The following ISM1 variants were observed in gnomAD, a reference collection of about 807,000 sequenced individuals.
ISM1 encodes the protein isthmin 1, also known as isthmin-1.
In ISM1, 25 loss-of-function variants were observed where a neutral mutation model predicts 46.3. That is an observed-to-expected ratio of 0.54 (90% confidence interval 0.39 to 0.75). The LOEUF is 0.75. Among genes scored for constraint, ISM1 ranks in the 30% least tolerant of loss-of-function variants. The pLI is 0.00. For synonymous variants in ISM1, 255 were observed against 256.7 expected (o/e 0.99, Z 0.06); for missense variants, 536 against 625.4 (o/e 0.86, Z 1.52).
chr20:13,322,625 G>T, the ISM1 span, among the ~76,000 whole-genome samples: 1 of 152,168 alleles, frequency 6.6e-6, no homozygotes. Flanking sequence ...AGAAAGAAAA[G>T]CCCAAGACCC....
Position 13,221,765 on chromosome 20 carries a change from C to A in ISM1, c.-12C>A, listed in dbSNP as rs1374814072. ...CGCCGCGCCGGGTCCTAAAGCCGCGCGTCTCAAAAGGATGGTGCGCCTGGC... is the reference window on the plus strand; with the variant it reads ...CGCCGCGCCGGGTCCTAAAGCCGCGAGTCTCAAAAGGATGGTGCGCCTGGC... On this transcript the variant is annotated 5_prime_UTR_variant, in exon 1 of 6. Transcript: ENST00000262487. The A allele has an allele frequency of 2.1e-6, 3 of 1,430,788 alleles. No individual in the cohort carries two copies. Among genetic ancestry groups the A allele is most frequent in the Admixed American group, 2.7e-5 (1 of 37,118 alleles). 88.6% of individuals were successfully genotyped at this position (1,430,788 alleles called of 1,614,324 possible).
At chr20:13,292,577 G>A in intron 5 of ISM1, 114 bp downstream of exon 5, 1 of 689,798 alleles carries the variant, frequency 1.4e-6, no homozygotes, top group Admixed American at 2.4e-5. Flanking sequence ...CTTTTCTGGG[G>A]TCCAGTGCTC....
intron 1 of ISM1, among the ~76,000 whole-genome samples, chr20:13,265,901 G>A (rs1204944143): frequency 6.6e-6 from 1 of 152,036 alleles, no homozygotes; most frequent in East Asian, 1.9e-4. Flanking sequence ...ATACTATCAG[G>A]GACCTAAGCC....
At chr20:13,304,587 T>C (rs184889879), downstream of ISM1, among the ~76,000 whole-genome samples, 29 of 152,278 alleles carry the variant, frequency 1.9e-4, no homozygotes, top group East Asian at 2.5e-3. Flanking sequence ...GCTTTTTCCA[T>C]CATCGTGGAG....
intron 1 of ISM1, among the ~76,000 whole-genome samples, chr20:13,260,239 G>A (rs2039973494): frequency 6.6e-6 from 1 of 152,230 alleles, no homozygotes; most frequent in African/African-American, 2.4e-5. Flanking sequence ...TTGTTTTACA[G>A]TGTCGGGGGG....
chr20:13,286,959 C>T (rs1356367526), intron 3 of ISM1, among the ~76,000 whole-genome samples: 1 of 152,224 alleles, frequency 6.6e-6, no homozygotes, highest in Non-Finnish European at 1.5e-5. Context: ...CCAGGAGAAA[C>T]TGTCACAGAG....
At chr20:13,307,787 T>C in the ISM1 span, among the ~76,000 whole-genome samples, 2 of 152,230 alleles carry the variant, frequency 1.3e-5, no homozygotes, top group Admixed American at 1.3e-4. Context: ...GCTTATCACA[T>C]TTCCAATGTG....
At chr20:13,291,433 C>A (rs957487910) in intron 4 of ISM1, among the ~76,000 whole-genome samples, 7 of 152,218 alleles carry the variant, frequency 4.6e-5, no homozygotes, top group Non-Finnish European at 1.0e-4. Context: ...GTCAACCCTG[C>A]AAATAAGTTT....
rs573990786 is a variant in ISM1 at position 13,233,243 on chromosome 20, G to A, written c.138+11329G>A. Among the ~76,000 whole-genome samples, 39 of 152,218 alleles carry A rather than the reference G, an allele frequency of 2.6e-4. 1 individual carries two copies. Among genetic ancestry groups the A allele is most frequent in the South Asian group, 1.2e-3 (6 of 4,824 alleles). On this transcript the variant is annotated intron_variant, in intron 1 of 5. Coordinates refer to ENST00000262487, the MANE Select transcript of ISM1 (RefSeq NM_080826.2). ...TGGATTTTGAGCTCAACATGAATTG[G>A]AAGCCAAGTTTATTGCTGGGAATCT...
rs6109793 is a variant in ISM1 at position 13,280,403 on chromosome 20, C to G, written c.643+505C>G. 4.3e-4 allele frequency among the ~76,000 whole-genome samples: 56 copies of G among 129,256 alleles called. 1 individual carries two copies. In the East Asian group the frequency reaches 0.013, roughly 30 times the overall value. 84.8% of individuals were successfully genotyped at this position (129,256 alleles called of 152,430 possible). A position where few individuals can be genotyped will look rare whatever the true frequency, so the allele number is the denominator to read the frequency against. On this transcript the variant is annotated intron_variant, in intron 3 of 5. Coordinates refer to ENST00000262487, the MANE Select transcript of ISM1 (RefSeq NM_080826.2). ...GGTCTTCAAAGTAACCCCCCCCCCC[C>G]AATACATTTCAAAACTCCAAGTTGA... is the stretch of plus-strand genomic sequence containing the variant.
rs568641451 is a variant in ISM1 at position 13,249,610 on chromosome 20, C to G, written c.139-20894C>G. Among the ~76,000 whole-genome samples the G allele has an allele frequency of 1.2e-4, 18 of 152,340 alleles. No individual in the cohort carries two copies. The South Asian group carries it at 2.7e-3, about 23-fold the overall frequency. ...GCCAGGCTCTTTATTATTTACACCA[C>G]AGTCATAAAGTTGGTTTTAATCTCT... On this transcript the variant is annotated intron_variant, in intron 1 of 5. Transcript: ENST00000262487.
the ISM1 span, among the ~76,000 whole-genome samples, chr20:13,320,831 C>G: frequency 6.6e-6 from 1 of 152,098 alleles, no homozygotes; most frequent in African/African-American, 2.4e-5. Context: ...GTTAAAGATA[C>G]CATTTCTTTT....
At chr20:13,251,885 A>T (rs77644829) in intron 1 of ISM1, among the ~76,000 whole-genome samples, 174 of 152,296 alleles carry the variant, frequency 1.1e-3, no homozygotes, top group Non-Finnish European at 1.9e-3. Context: ...CTGGTTAAAA[A>T]TGGGTTTGGC....
intron 1 of ISM1, among the ~76,000 whole-genome samples, chr20:13,264,034 A>C (rs1020715257): frequency 1.3e-5 from 2 of 152,190 alleles, no homozygotes; most frequent in African/African-American, 4.8e-5. Flanking sequence ...CCTGAGCCTA[A>C]TTAAAATAAA....
At chr20:13,301,436 G>T (rs1031258848), downstream of ISM1, among the ~76,000 whole-genome samples, 31 of 152,150 alleles carry the variant, frequency 2.0e-4, no homozygotes, top group African/African-American at 7.2e-4. Flanking sequence ...TGTTCTGCCT[G>T]CCTTGGCCTC....
At position 13,287,895 on chromosome 20, in the gene ISM1, G is replaced by T. The variant is rs1027836003; in HGVS notation, c.644-645G>T. On this transcript the variant is annotated intron_variant, in intron 3 of 5. Coordinates refer to ENST00000262487, the MANE Select transcript of ISM1 (RefSeq NM_080826.2). ...ATGATCCTGTGGCTCAGGAGTTCAG[G>T]CAGGGCCACTGGGTAGGTACTCTGC... Among the ~76,000 whole-genome samples the T allele has an allele frequency of 2.0e-5, 3 of 152,308 alleles. No homozygotes were observed. In the East Asian group the frequency reaches 5.8e-4, roughly 29 times the overall value.
Position 13,299,136 on chromosome 20 carries a change from C to T in ISM1, c.1072C>T (p.Leu358=). The T allele has an allele frequency of 6.2e-7, 1 of 1,612,784 alleles. No homozygotes were observed. Among genetic ancestry groups the T allele is most frequent in the Non-Finnish European group, 8.5e-7 (1 of 1,179,504 alleles). ...GGACGCCAGCGGGCCCAAGGAGAAG[C>T]TGGAGATCTACAAGCCCACTGCCCG... ...WKDASGPKEK[L]EIYKPTARYC... The change falls in exon 6 of 6, where the codon CTG becomes TTG. Residue 358 remains leucine (L), a synonymous_variant. Transcript: ENST00000262487. This position sits in a 1 kb window ranked among gnomAD's most constrained non-coding sequence, Gnocchi z 5.8.
chr20:13,321,253 TAAAAAA>T, the ISM1 span, among the ~76,000 whole-genome samples: 7 of 57,510 alleles, frequency 1.2e-4, no homozygotes, highest in South Asian at 7.4e-4. Flanking sequence ...GTGCCCCACA[TAAAAAA>T]AAAAAAAAAA....
At chr20:13,312,429 T>C in the ISM1 span, among the ~76,000 whole-genome samples, 1 of 152,210 alleles carries the variant, frequency 6.6e-6, no homozygotes, top group Admixed American at 6.5e-5. Context: ...CTCCAAGAGA[T>C]GCAGAGAGGC....
Sources: allele counts gnomAD v4.1 joint callset (sites outside exome capture counted in the v4.1 genomes callset), GRCh38; gene constraint gnomAD v4.1.1; non-coding constraint Gnocchi (gnomAD v3.1); transcripts MANE v1.5; gene names NCBI Gene and HGNC (gene_info 2026-07-23, HGNC 2026-07-21).